The following DNAH9 variants were observed in gnomAD, a reference collection of about 807,000 sequenced individuals.
DNAH9 encodes the protein DNAH9 variant protein.
Under a neutral mutation model 471.6 loss-of-function variants are expected in DNAH9, and 345 were observed. That is an observed-to-expected ratio of 0.73 (90% CI 0.67 to 0.80). The LOEUF is 0.80. Ranked by LOEUF, DNAH9 falls within the 30% of genes least tolerant of loss-of-function variation. The pLI is 0.00. For missense variants in DNAH9, 5,407 were observed against 5,609.2 expected, an observed-to-expected ratio of 0.96 and a Z score of 1.15; for synonymous variants, 2,093 against 2,123.6, an observed-to-expected ratio of 0.99 and a Z score of 0.40.
Position 11,835,182 on chromosome 17 carries a change from G to A in DNAH9, c.9507+284G>A, listed in dbSNP as rs73296482. The stretch of plus-strand genomic sequence containing the variant: ...TCATGTATGAGAAAACCAAGGCCCA[G>A]GGAGGAGGACAGACTAGGCCAGACC... On this transcript the variant is annotated intron_variant, in intron 49 of 68. Coordinates refer to ENST00000262442, the MANE Select transcript of DNAH9 (RefSeq NM_001372.4). Among the ~76,000 whole-genome samples the A allele has an allele frequency of 7.0e-4, 106 of 152,302 alleles. 1 individual carries two copies. Among genetic ancestry groups the A allele is most frequent in the African/African-American group, 2.4e-3 (101 of 41,556 alleles).
rs1287677652 is a variant in DNAH9, at chr17:11,689,671, A to C, written c.3849A>C (p.Glu1283Asp). ...TTTCTGAGTCTGCCAGCTTATTTGA[A>C]GTCAATGTCCCTGACTATAAGCAGC... is the stretch of plus-strand genomic sequence containing the variant. ...ASISESASLF[E>D]VNVPDYKQLR... The change falls in exon 20 of 69, where the codon GAA becomes GAC. Residue 1283 changes from glutamate to aspartate, a missense_variant. Physicochemically the swap from Glu to Asp is conservative, Grantham distance 45. Around this residue, in one of 3 missense-constraint regions of DNAH9, gnomAD observed 4,636 missense variants for 4,900.3 expected, o/e 0.95. Transcript: ENST00000262442. The C allele has an allele frequency of 6.2e-7, 1 of 1,614,194 alleles. No individual in the cohort carries two copies. Among genetic ancestry groups the C allele is most frequent in the African/African-American group, 1.3e-5 (1 of 75,052 alleles).
rs200851712 is a variant in DNAH9 at position 11,933,935 on chromosome 17, T to C, written c.12353T>C (p.Ile4118Thr). ...LFGEIMYGGH[I>T]TDDWDRRLCR... ...GGAGAGATCATGTATGGAGGCCATA[T>C]CACAGATGACTGGGACAGAAGACTC... Residue 4118 changes from isoleucine (I) to threonine (T), a missense_variant, in exon 65 of 69, where the codon ATC (isoleucine) becomes ACC (threonine). This residue lies in a region of DNAH9 where 4,636 missense variants were observed against 4,900.3 expected (regional missense o/e 0.95). Transcript: ENST00000262442. The C allele has an allele frequency of 1.2e-6, 2 of 1,614,100 alleles. No homozygotes were observed. Among genetic ancestry groups the C allele is most frequent in the East Asian group, 2.2e-5 (1 of 44,874 alleles).
At chr17:11,645,115 G>A (rs1459774660) in intron 11 of DNAH9, among the ~76,000 whole-genome samples, 2 of 152,206 alleles carry the variant, frequency 1.3e-5, no homozygotes, top group African/African-American at 4.8e-5. Context: ...AATTTTATAT[G>A]ACTTCAAAGT....
In DNAH9 at chr17:11,618,528, G is replaced by A. The variant is rs2072791245; in HGVS notation, c.1116+906G>A. The stretch of plus-strand genomic sequence containing the variant: ...TTGAACCCGGGAGGCAGAAGTTGCA[G>A]TGAGCGAAGATTGTGCCACTGCACT... On this transcript the variant is annotated intron_variant, in intron 5 of 68. Transcript: ENST00000262442. Among the ~76,000 whole-genome samples, 4 of 150,942 alleles carry A rather than the reference G, an allele frequency of 2.7e-5. No homozygotes were observed. The South Asian group carries it at 8.4e-4, about 32-fold the overall frequency.
Position 11,891,891 on chromosome 17 carries a change from A to G in DNAH9, c.11227A>G (p.Ile3743Val). ...AACCTTCTCTGTGTACCAGTACACC[A>G]TCCGCGGGCTCTTTGAGTGTGATAA... The part of the protein sequence containing the change: ...SITFSVYQYT[I>V]RGLFECDKLT... The change falls in exon 58 of 69, where the codon ATC becomes GTC. Residue 3743 changes from isoleucine (I) to valine (V), a missense_variant. Around this residue, in one of 3 missense-constraint regions of DNAH9, gnomAD observed 4,636 missense variants for 4,900.3 expected, o/e 0.95. Coordinates refer to ENST00000262442, the MANE Select transcript of DNAH9 (RefSeq NM_001372.4). The G allele has an allele frequency of 6.2e-7, 1 of 1,614,110 alleles. No homozygotes were observed. Among genetic ancestry groups the G allele is most frequent in the Non-Finnish European group, 8.5e-7 (1 of 1,180,004 alleles).
At chr17:11,866,090 G>C (rs1367819794) in intron 50 of DNAH9, among the ~76,000 whole-genome samples, 1 of 152,066 alleles carries the variant, frequency 6.6e-6, no homozygotes, top group Non-Finnish European at 1.5e-5. Context: ...GAGGAGAGGT[G>C]CTCTGCTTTT....
At chr17:11,894,311 C>G (rs77674979) in intron 58 of DNAH9, 63 bp from the exon 59 acceptor site, 6 of 1,594,642 alleles carry the variant, frequency 3.8e-6, no homozygotes, top group Non-Finnish European at 5.1e-6. Context: ...GTGACAACCC[C>G]TAAGATTTCT....
chr17:11,701,901 C>A (rs2074605901), intron 24 of DNAH9, among the ~76,000 whole-genome samples: 1 of 152,096 alleles, frequency 6.6e-6, no homozygotes, highest in African/African-American at 2.4e-5. Context: ...AGGCTGGTCT[C>A]AAACTCCTGA....
intron 28 of DNAH9, among the ~76,000 whole-genome samples, chr17:11,732,636 G>T (rs2075287123): frequency 1.5e-5 from 1 of 65,294 alleles, no homozygotes; most frequent in Admixed American, 2.4e-4. Context: ...AAACACCAGT[G>T]TGTCAATTCC....
intron 14 of DNAH9, among the ~76,000 whole-genome samples, chr17:11,654,160 C>G: frequency 8.5e-6 from 1 of 118,294 alleles, no homozygotes; most frequent in Non-Finnish European, 1.9e-5. Flanking sequence ...TCGAGACCAT[C>G]CTGGCTAACA....
chr17:11,706,114 CA>C (rs1394796538), intron 26 of DNAH9, among the ~76,000 whole-genome samples: 1 of 152,050 alleles, frequency 6.6e-6, no homozygotes, highest in East Asian at 1.9e-4. Flanking sequence ...TTAAAACAAG[CA>C]CATAAAAAAG....
intron 43 of DNAH9, among the ~76,000 whole-genome samples, chr17:11,800,999 A>G (rs1378045373): frequency 1.3e-5 from 2 of 152,204 alleles, no homozygotes; most frequent in Non-Finnish European, 2.9e-5. Context: ...CCTCCCTGAG[A>G]GGGTAGCATT....
At chr17:11,648,536 C>A (rs1017703507) in intron 12 of DNAH9, among the ~76,000 whole-genome samples, 3 of 152,106 alleles carry the variant, frequency 2.0e-5, no homozygotes, top group African/African-American at 7.2e-5. Context: ...GTAATTAAGT[C>A]CTTGGTATAT....
intron 20 of DNAH9, among the ~76,000 whole-genome samples, chr17:11,692,835 C>A (rs1176769087): frequency 1.3e-5 from 2 of 152,104 alleles, no homozygotes; most frequent in African/African-American, 2.4e-5. Context: ...CCATTTTCAA[C>A]TGTTATTTTT....
chr17:11,836,537 C>G (rs776696829), intron 49 of DNAH9, among the ~76,000 whole-genome samples: 1 of 152,050 alleles, frequency 6.6e-6, no homozygotes, highest in Non-Finnish European at 1.5e-5. Flanking sequence ...AGGTGTGACC[C>G]GGCTGTACCA....
At chr17:11,770,136 T>C (rs1936633003) in intron 38 of DNAH9, among the ~76,000 whole-genome samples, 1 of 152,192 alleles carries the variant, frequency 6.6e-6, no homozygotes, top group South Asian at 2.1e-4. Flanking sequence ...TATGAGCTGT[T>C]TGCAGCTGGA....
chr17:11,613,661 A>C (rs1028639701), intron 4 of DNAH9, among the ~76,000 whole-genome samples: 1 of 152,212 alleles, frequency 6.6e-6, no homozygotes. Context: ...TTTGCAAGTG[A>C]TACCAGCTTT....
At chr17:11,708,008 CACACACAGAGAGAG>C (rs2074750032) in intron 26 of DNAH9, among the ~76,000 whole-genome samples, 2 of 47,220 alleles carry the variant, frequency 4.2e-5, no homozygotes, top group African/African-American at 1.2e-4. Context: ...CACACACACA[CACACACAGAGAGAG>C]AGAGAGAGAG....
At position 11,689,886 on chromosome 17, in the gene DNAH9, C is replaced by A; in HGVS notation, c.4064C>A (p.Ala1355Glu). Reference sequence around the variant, plus strand: ...GACAAGGAGGTCAGGGCCTGGGATGCATTCACAGGCCTGGAAAGCACTGTG... The same window carrying A: ...GACAAGGAGGTCAGGGCCTGGGATGAATTCACAGGCCTGGAAAGCACTGTG... Reference protein sequence around the residue: ...NLDKEVRAWDAFTGLESTVWN... With the variant: ...NLDKEVRAWDEFTGLESTVWN... The change falls in exon 20 of 69, where the codon GCA becomes GAA. Residue 1355 changes from alanine to glutamate, a missense_variant. Transcript: ENST00000262442. 1 of 1,607,988 alleles carries A rather than the reference C, an allele frequency of 6.2e-7. No homozygotes were observed. Among genetic ancestry groups the A allele is most frequent in the East Asian group, 2.2e-5 (1 of 44,616 alleles).
Sources: allele counts gnomAD v4.1 joint callset (sites outside exome capture counted in the v4.1 genomes callset), GRCh38; gene constraint gnomAD v4.1.1; regional missense constraint gnomAD v4.1.1; transcripts MANE v1.5; gene names NCBI Gene and HGNC (gene_info 2026-07-23, HGNC 2026-07-21).